SPATA46: variants seen among roughly 807,000 people sequenced by gnomAD.
The protein encoded by SPATA46 is spermatogenesis-associated protein 46.
A neutral mutation model predicts 6.2 loss-of-function variants in SPATA46; 3 were observed. The observed-to-expected ratio is 0.48, with a 90% confidence interval of 0.22 to 1.25. The LOEUF (loss-of-function observed/expected upper bound fraction) is 1.25. SPATA46 is among the 50% of genes most tolerant of loss of function. The pLI, the probability that SPATA46 is intolerant of heterozygous loss-of-function variation, is 0.20. For missense variants in SPATA46, 308 were observed against 323.5 expected (o/e 0.95, Z 0.37); for synonymous variants, 117 against 123.3 (o/e 0.95, Z 0.34).
In SPATA46 at chr1:162,374,042, A is replaced by C; in HGVS notation, c.*6T>G. 1.3e-6 allele frequency: 2 copies of C among 1,580,848 alleles called. No individual in the cohort carries two copies. The highest frequency in any genetic ancestry group is 1.7e-6 in the Non-Finnish European group (2 of 1,161,938). ...GAAGGCTGTGACTAACTTTATTGGC[A>C]TCTCTCTAGAGACATAAGTAGGCTT... On this transcript the variant is annotated 3_prime_UTR_variant, in exon 3 of 3. Transcript: ENST00000367935.
Position 162,376,724 on chromosome 1 carries a change from G to A in SPATA46, c.67C>T (p.Pro23Ser). 1.9e-6 allele frequency: 3 copies of A among 1,614,130 alleles called. No individual in the cohort carries two copies. The highest frequency in any genetic ancestry group is 2.5e-6 in the Non-Finnish European group (3 of 1,180,028). ...PISSSALSAF[P>S]DIMFSRATSL... ...GTGGCACGAGAGAACATAATGTCGG[G>A]AAAAGCACTCAGGGCGGAGGAAGAG... The change falls in exon 1 of 3, where the codon CCC (proline) becomes TCC (serine). Residue 23 changes from proline to serine, a missense_variant. Physicochemically the swap from Pro to Ser is moderately conservative, Grantham distance 74. Coordinates refer to ENST00000367935, the MANE Select transcript of SPATA46 (RefSeq NM_182581.4).
chr1:162,374,956 G>T (rs532051657), intron 2 of SPATA46, among the ~76,000 whole-genome samples: 1 of 152,166 alleles, frequency 6.6e-6, no homozygotes, highest in Non-Finnish European at 1.5e-5. Context: ...TGACCCAGCG[G>T]ATAGCCAAAC....
At chr1:162,376,306 A>G (rs140202903) in intron 1 of SPATA46, among the ~76,000 whole-genome samples, 73 of 152,234 alleles carry the variant, frequency 4.8e-4, no homozygotes, top group African/African-American at 1.7e-3. Flanking sequence ...ATGTAGACAT[A>G]CTGCCACCTT....
In SPATA46 at chr1:162,375,418, A is replaced by T. The variant is rs1283601953; in HGVS notation, c.104-15T>A. 1 of 1,608,874 alleles carries T rather than the reference A, an allele frequency of 6.2e-7. No homozygotes were observed. Among genetic ancestry groups the T allele is most frequent in the South Asian group, 1.1e-5 (1 of 90,990 alleles). ...CTTTGCAATGTCTGGGTTATAGAAG[A>T]AACACTGGTGAGCTGAGCAAGGTTG... On this transcript the variant is annotated splice_polypyrimidine_tract_variant and intron_variant, in intron 1 of 2. Transcript: ENST00000367935.
At chr1:162,376,054 C>T (rs1426620506) in intron 1 of SPATA46, among the ~76,000 whole-genome samples, 4 of 152,198 alleles carry the variant, frequency 2.6e-5, no homozygotes, top group African/African-American at 9.7e-5. Context: ...TTGTTAATAA[C>T]ACAGATGCTG....
At chr1:162,375,977 C>T (rs1647647272) in intron 1 of SPATA46, among the ~76,000 whole-genome samples, 1 of 152,156 alleles carries the variant, frequency 6.6e-6, no homozygotes, top group Non-Finnish European at 1.5e-5. Context: ...CAAATGGATG[C>T]TTAGGAGGCC....
chr1:162,375,022 G>C (rs1016056505), intron 2 of SPATA46, among the ~76,000 whole-genome samples: 3 of 152,056 alleles, frequency 2.0e-5, no homozygotes, highest in African/African-American at 7.2e-5. Context: ...CCTTTTTTCA[G>C]CCTCACTGCT....
chr1:162,375,999 G>A (rs1647647858), intron 1 of SPATA46, among the ~76,000 whole-genome samples: 2 of 152,180 alleles, frequency 1.3e-5, no homozygotes, highest in Non-Finnish European at 2.9e-5. Flanking sequence ...ACTCCACTGA[G>A]CAGTACTTCT....
chr1:162,376,204 C>T (rs1647656053), intron 1 of SPATA46, among the ~76,000 whole-genome samples: 1 of 152,196 alleles, frequency 6.6e-6, no homozygotes, highest in South Asian at 2.1e-4. Flanking sequence ...ATGTGCTCAT[C>T]AGTTTACGCT....
rs1425492289 is a variant in SPATA46 at position 162,374,474 on chromosome 1, C to T, written c.360G>A (p.Gln120=). ...AGTTGTCCCACTTGCCCTCATCCTG[C>T]TGCACCTCTGGGAAGTCATAGGCCT... The part of the protein sequence containing the change: ...QLEAYDFPEV[Q]QDEGKWDNCL... Residue 120 remains glutamine (Q), a synonymous_variant, in exon 3 of 3, where the codon CAG becomes CAA. Transcript: ENST00000367935. 2.5e-5 allele frequency: 41 copies of T among 1,614,218 alleles called. No individual in the cohort carries two copies. Among genetic ancestry groups the T allele is most frequent in the Non-Finnish European group, 3.1e-5 (36 of 1,180,036 alleles).
Position 162,374,048 on chromosome 1 carries a change from C to T in SPATA46, c.786G>A (p.Ter262=). The change falls in exon 3 of 3, where the codon TAG becomes TAA. Residue 262 remains the stop codon, a stop_retained_variant. Coordinates refer to ENST00000367935, the MANE Select transcript of SPATA46 (RefSeq NM_182581.4). The part of the protein sequence containing the change: ...QIGGEAYLCL[*] ...TGTGACTAACTTTATTGGCATCTCTCTAGAGACATAAGTAGGCTTCACCGC... is the reference window on the plus strand; with the variant it reads ...TGTGACTAACTTTATTGGCATCTCTTTAGAGACATAAGTAGGCTTCACCGC... The T allele has an allele frequency of 6.3e-7, 1 of 1,597,900 alleles. No individual in the cohort carries two copies. The highest frequency in any genetic ancestry group is 1.7e-5 in the Admixed American group (1 of 58,722).
rs199989510 is a variant in SPATA46 at position 162,376,808 on chromosome 1, G to C, written c.-18C>G. The C allele has an allele frequency of 6.2e-7, 1 of 1,612,792 alleles. No homozygotes were observed. The highest frequency in any genetic ancestry group is 1.7e-5 in the Admixed American group (1 of 59,902). Reference sequence around the variant, plus strand: ...TTCTCCATATTCTGACCACTGCGGGGGTACAGAGATCACACGCCTGCTCTG... The same window carrying C: ...TTCTCCATATTCTGACCACTGCGGGCGTACAGAGATCACACGCCTGCTCTG... On this transcript the variant is annotated 5_prime_UTR_variant, in exon 1 of 3. Transcript: ENST00000367935.
intron 2 of SPATA46, among the ~76,000 whole-genome samples, 179 bp downstream of exon 2, chr1:162,375,111 G>A (rs1025969089): frequency 6.6e-6 from 1 of 152,226 alleles, no homozygotes; most frequent in Non-Finnish European, 1.5e-5. Context: ...GGGGAGGCAA[G>A]GCGAGAGCCC....
rs1159969713 is a variant in SPATA46 at position 162,374,596 on chromosome 1, G to A, written c.238C>T (p.Gln80Ter). 4 of 1,612,396 alleles carry A rather than the reference G, an allele frequency of 2.5e-6. No homozygotes were observed. The highest frequency in any genetic ancestry group is 3.4e-6 in the Non-Finnish European group (4 of 1,179,164). ...TTCCGCCTCAGCTTCTCTCCGTGCT[G>A]GGTATCCCCCAAGCTGCAGTCTGCA... ...LSPDCSLGDT[Q>*]HGEKLRRNCT... The change falls in exon 3 of 3, where the codon CAG becomes TAG. Residue 80 changes from glutamine to a stop codon, truncating the protein, a stop_gained. Transcript: ENST00000367935. LOFTEE classifies it low-confidence loss of function (END_TRUNC).
In SPATA46 at chr1:162,374,716, G is replaced by A. The variant is rs186809989; in HGVS notation, c.218-100C>T. The A allele has an allele frequency of 1.1e-4, 131 of 1,237,364 alleles. No homozygotes were observed. In the African/African-American group the frequency reaches 1.5e-3, roughly 15 times the overall value. The allele number at this position is 1,237,364 out of a possible 1,614,324, so 76.6% of individuals were successfully genotyped here. On this transcript the variant is annotated intron_variant, in intron 2 of 2. Coordinates refer to ENST00000367935, the MANE Select transcript of SPATA46 (RefSeq NM_182581.4). ...GAAGGCAAACATCAGGCATGACCTCGGTTACCTCCACCCCACCACGATTGC... is the reference window on the plus strand; with the variant it reads ...GAAGGCAAACATCAGGCATGACCTCAGTTACCTCCACCCCACCACGATTGC...
Position 162,373,887 on chromosome 1 carries a change from G to T in SPATA46, c.*161C>A. ...ATGATTTTCCCAAACTTCAAGTATT[G>T]TCTTTATTTTTAAAAGAGAGAAAGG... On this transcript the variant is annotated 3_prime_UTR_variant, in exon 3 of 3. Coordinates refer to ENST00000367935, the MANE Select transcript of SPATA46 (RefSeq NM_182581.4). 1 of 764,602 alleles carries T rather than the reference G, an allele frequency of 1.3e-6. No individual in the cohort carries two copies. Among genetic ancestry groups the T allele is most frequent in the Non-Finnish European group, 2.1e-6 (1 of 477,096 alleles). 47.4% of individuals were successfully genotyped at this position (764,602 alleles called of 1,614,324 possible).
chr1:162,376,466 C>CA (rs11350412), intron 1 of SPATA46: 397 of 346,688 alleles, frequency 1.1e-3, no homozygotes, highest in African/African-American at 2.4e-3. Context: ...AACTCTGTCT[C>CA]AAAAAAAAAA....
In SPATA46 at chr1:162,376,806, G is replaced by A. The variant is rs200729492; in HGVS notation, c.-16C>T. On this transcript the variant is annotated 5_prime_UTR_variant, in exon 1 of 3. Coordinates refer to ENST00000367935, the MANE Select transcript of SPATA46 (RefSeq NM_182581.4). ...AGTTCTCCATATTCTGACCACTGCG[G>A]GGGTACAGAGATCACACGCCTGCTC... is the stretch of plus-strand genomic sequence containing the variant. The A allele has an allele frequency of 6.2e-7, 1 of 1,612,992 alleles. No individual in the cohort carries two copies. Among genetic ancestry groups the A allele is most frequent in the African/African-American group, 1.3e-5 (1 of 75,026 alleles).
Position 162,374,476 on chromosome 1 carries a change from GCACCTCT to G in SPATA46, c.351_357del (p.Glu118SerfsTer51), listed in dbSNP as rs761349149. 2.5e-6 allele frequency: 4 copies of G among 1,614,236 alleles called. No homozygotes were observed. Among genetic ancestry groups the G allele is most frequent in the Non-Finnish European group, 3.4e-6 (4 of 1,180,038 alleles). On this transcript the variant is annotated frameshift_variant, in exon 3 of 3. Coordinates refer to ENST00000367935, the MANE Select transcript of SPATA46 (RefSeq NM_182581.4). LOFTEE classifies it low-confidence loss of function (END_TRUNC). Reference sequence around the variant, plus strand: ...TTGTCCCACTTGCCCTCATCCTGCTGCACCTCTGGGAAGTCATAGGCCTCCAGCTGGC... The same window carrying G: ...TTGTCCCACTTGCCCTCATCCTGCTGGGGAAGTCATAGGCCTCCAGCTGGC...
Sources: gnomAD v4.1 joint callset for allele counts (sites outside exome capture counted in the v4.1 genomes callset) on GRCh38, gnomAD v4.1.1 for gene constraint, MANE v1.5 for transcripts, NCBI Gene and HGNC (gene_info 2026-07-23, HGNC 2026-07-21) for gene names.